Variants in AIG1 observed in about 807,000 individuals in gnomAD.
AIG1 encodes the protein androgen induced 1, also known as androgen-induced gene 1 protein.
In AIG1, 23 loss-of-function variants were observed where a neutral mutation model predicts 31.4. That is an observed-to-expected ratio of 0.73 (90% CI 0.53 to 1.04). The LOEUF is 1.04. Ranked by LOEUF, AIG1 falls within the 50% of genes least tolerant of loss-of-function variation. AIG1 has a pLI of 0.00. For missense variants in AIG1, 274 were observed against 295.0 expected, an observed-to-expected ratio of 0.93 and a Z score of 0.52; for synonymous variants, 100 against 110.5, an observed-to-expected ratio of 0.90 and a Z score of 0.60.
At chr6:143,192,868 G>A (rs917966494) in intron 3 of AIG1, among the ~76,000 whole-genome samples, 3 of 152,212 alleles carry the variant, frequency 2.0e-5, no homozygotes, top group African/African-American at 7.2e-5. Flanking sequence ...GACACACAGA[G>A]GGTGGATCTG....
chr6:143,112,131 C>T (rs1200475250), intron 1 of AIG1, among the ~76,000 whole-genome samples: 6 of 152,200 alleles, frequency 3.9e-5, no homozygotes, highest in Admixed American at 3.9e-4. Context: ...TTCTGCTTCT[C>T]TAGTCTCCTC....
At chr6:143,164,957 T>A in intron 2 of AIG1, 125 bp from the exon 3 acceptor site, 1 of 691,740 alleles carries the variant, frequency 1.4e-6, no homozygotes, top group South Asian at 1.9e-5. Context: ...ATTAGCTGGT[T>A]TACTGAGCTG....
intron 3 of AIG1, among the ~76,000 whole-genome samples, chr6:143,245,720 T>C (rs990639583): frequency 2.6e-5 from 4 of 152,240 alleles, no homozygotes; most frequent in African/African-American, 9.6e-5. Flanking sequence ...GGAAACTTGA[T>C]GTTTTTTGCT....
intron 3 of AIG1, among the ~76,000 whole-genome samples, chr6:143,169,297 G>A (rs534554154): frequency 6.6e-6 from 1 of 151,580 alleles, no homozygotes; most frequent in Admixed American, 6.6e-5. Context: ...TCCTTTACTT[G>A]TACCTTTGAA....
rs544666935 is a variant in AIG1 at position 143,184,983 on chromosome 6, G to A, written c.399+19800G>A. Among the ~76,000 whole-genome samples the A allele has an allele frequency of 2.6e-5, 4 of 152,064 alleles. No individual in the cohort carries two copies. The East Asian group carries it at 7.7e-4, about 29-fold the overall frequency. On this transcript the variant is annotated intron_variant, in intron 3 of 5. Transcript: ENST00000357847. ...GAGGCCGAGGTGGGCGGATCACAAGGTCAAGAGATGGAGACCATTCTGGCC... is the reference window on the plus strand; with the variant it reads ...GAGGCCGAGGTGGGCGGATCACAAGATCAAGAGATGGAGACCATTCTGGCC...
intron 1 of AIG1, among the ~76,000 whole-genome samples, chr6:143,123,278 C>A (rs927079495): frequency 6.6e-6 from 1 of 152,134 alleles, no homozygotes; most frequent in Non-Finnish European, 1.5e-5. Flanking sequence ...AAAAACTCTA[C>A]CCACATAGTC....
At chr6:143,321,586 T>C (rs750476095) in intron 4 of AIG1, among the ~76,000 whole-genome samples, 5 of 151,596 alleles carry the variant, frequency 3.3e-5, no homozygotes, top group Non-Finnish European at 5.9e-5. Context: ...AGGAAGACTG[T>C]ATAAAAAAAA....
intron 4 of AIG1, among the ~76,000 whole-genome samples, chr6:143,315,651 A>C (rs1022777227): frequency 2.0e-5 from 3 of 152,122 alleles, no homozygotes; most frequent in Non-Finnish European, 2.9e-5. Context: ...TAAATCTTAC[A>C]CCTTTCACAA....
At chr6:143,320,138 G>T (rs1478204409) in intron 4 of AIG1, among the ~76,000 whole-genome samples, 2 of 152,086 alleles carry the variant, frequency 1.3e-5, no homozygotes, top group Non-Finnish European at 2.9e-5. Flanking sequence ...CACTAATCAT[G>T]AGGGAAATGC....
At chr6:143,189,622 A>G (rs568724673) in intron 3 of AIG1, 6 of 985,226 alleles carry the variant, frequency 6.1e-6, no homozygotes, top group Non-Finnish European at 7.2e-6. Context: ...TTACCCTACT[A>G]TCTTTTTTGA....
chr6:143,255,569 A>T (rs1327783697), intron 3 of AIG1, among the ~76,000 whole-genome samples: 1 of 152,110 alleles, frequency 6.6e-6, no homozygotes, highest in Non-Finnish European at 1.5e-5. Context: ...AGCTCCAAAT[A>T]TAGTCACTGT....
intron 3 of AIG1, among the ~76,000 whole-genome samples, chr6:143,241,424 G>A (rs558185120): frequency 6.6e-6 from 1 of 152,288 alleles, no homozygotes; most frequent in South Asian, 2.1e-4. Flanking sequence ...ACTCAGACTT[G>A]GCTGTCATCA....
At position 143,330,084 on chromosome 6, in the gene AIG1, G is replaced by T. The variant is rs1035311168; in HGVS notation, c.516-3198G>T. 2.0e-5 allele frequency among the ~76,000 whole-genome samples: 3 copies of T among 152,124 alleles called. No homozygotes were observed. The highest frequency in any genetic ancestry group is 4.4e-5 in the Non-Finnish European group (3 of 68,030). ...AGTAATGGCTCAATAAACAGATGTT[G>T]CTGTTTATATTCCTTCATTAGATTA... is the stretch of plus-strand genomic sequence containing the variant. On this transcript the variant is annotated intron_variant, in intron 4 of 5. Transcript: ENST00000357847. The surrounding 1 kb of genome is among the most constrained non-coding windows in gnomAD (Gnocchi z 4.4).
chr6:143,064,485 A>G (rs1454851082), intron 1 of AIG1, among the ~76,000 whole-genome samples: 1 of 152,166 alleles, frequency 6.6e-6, no homozygotes, highest in Admixed American at 6.5e-5. Flanking sequence ...ATGGTAGTGT[A>G]TTTTGGACTT....
chr6:143,271,021 T>A (rs140055813), intron 3 of AIG1, among the ~76,000 whole-genome samples: 1 of 152,250 alleles, frequency 6.6e-6, no homozygotes, highest in African/African-American at 2.4e-5. Context: ...TTGAGACTCA[T>A]GGTTCTCTGC....
chr6:143,157,392 AG>A (rs1281228142), intron 2 of AIG1, among the ~76,000 whole-genome samples: 1 of 150,268 alleles, frequency 6.7e-6, no homozygotes, highest in Non-Finnish European at 1.5e-5. Flanking sequence ...GCCTCCAGGC[AG>A]TCCCAGTTTC....
At chr6:143,110,786 G>A (rs759281184) in intron 1 of AIG1, among the ~76,000 whole-genome samples, 13 of 152,154 alleles carry the variant, frequency 8.5e-5, no homozygotes, top group Non-Finnish European at 1.5e-4. Flanking sequence ...AGATGTGTGT[G>A]GGAAGAATGA....
intron 3 of AIG1, among the ~76,000 whole-genome samples, chr6:143,273,483 C>A (rs1358534989): frequency 6.6e-6 from 1 of 152,024 alleles, no homozygotes; most frequent in South Asian, 2.1e-4. Context: ...CTGCTGTGTC[C>A]CCCATTGCTC....
intron 1 of AIG1, among the ~76,000 whole-genome samples, chr6:143,102,195 T>C (rs1241280113): frequency 6.6e-6 from 1 of 151,956 alleles, no homozygotes; most frequent in African/African-American, 2.4e-5. Context: ...TTATATGACT[T>C]TATTCTTTGT....
Sources: allele counts gnomAD v4.1 joint callset (sites outside exome capture counted in the v4.1 genomes callset), GRCh38; gene constraint gnomAD v4.1.1; non-coding constraint Gnocchi (gnomAD v3.1); transcripts MANE v1.5; gene names NCBI Gene and HGNC (gene_info 2026-07-23, HGNC 2026-07-21).